The following ADPGK variants were observed in gnomAD, a reference collection of about 807,000 sequenced individuals.
ADPGK encodes ADP dependent glucokinase.
Under a neutral mutation model 42.4 loss-of-function variants are expected in ADPGK, and 26 were observed. The observed-to-expected ratio is 0.61, with a 90% CI of 0.45 to 0.85. The LOEUF is 0.85. Among genes scored for constraint, ADPGK ranks in the 40% least tolerant of loss-of-function variants. The pLI is 0.00. For missense variants in ADPGK, 571 were observed against 627.0 expected, an observed-to-expected ratio of 0.91 and a Z score of 0.95; for synonymous variants, 267 against 252.6, an observed-to-expected ratio of 1.06 and a Z score of -0.54.
At chr15:72,764,622 C>T (rs2066235455) in intron 3 of ADPGK, among the ~76,000 whole-genome samples, 1 of 152,222 alleles carries the variant, frequency 6.6e-6, no homozygotes, top group African/African-American at 2.4e-5. Context: ...TAGCTAAGAT[C>T]ACTGATGAAC....
chr15:72,756,806 G>A (rs922430602), intron 4 of ADPGK: 14 of 270,088 alleles, frequency 5.2e-5, no homozygotes, highest in South Asian at 1.7e-4. Context: ...CAGCACGCAC[G>A]CCCTGCAGAC....
intron 4 of ADPGK, chr15:72,758,232 T>C (rs2066141531): frequency 9.6e-7 from 1 of 1,037,912 alleles, no homozygotes; most frequent in Non-Finnish European, 1.5e-6. Context: ...CAAATGGATC[T>C]AATTCTGCCT....
chr15:72,774,201 A>G (rs1317494919), intron 2 of ADPGK, among the ~76,000 whole-genome samples: 1 of 152,240 alleles, frequency 6.6e-6, no homozygotes, highest in Admixed American at 6.5e-5. Flanking sequence ...GAAAGGTGCC[A>G]ATTAAAAATG....
chr15:72,778,919 A>T (rs768467243), intron 1 of ADPGK, among the ~76,000 whole-genome samples: 2 of 152,190 alleles, frequency 1.3e-5, no homozygotes, highest in African/African-American at 2.4e-5. Context: ...TTTCAGATAG[A>T]TTAAACCTAT....
intron 3 of ADPGK, among the ~76,000 whole-genome samples, chr15:72,766,395 A>G (rs2066259867): frequency 6.6e-6 from 1 of 152,206 alleles, no homozygotes; most frequent in Non-Finnish European, 1.5e-5. Flanking sequence ...TGTTGTTTTA[A>G]GAAATTGCCA....
At chr15:72,754,537 G>T (rs1050089189) in intron 6 of ADPGK, among the ~76,000 whole-genome samples, 1 of 152,134 alleles carries the variant, frequency 6.6e-6, no homozygotes, top group Non-Finnish European at 1.5e-5. Flanking sequence ...TTCTACTTCT[G>T]AGACTTTCTC....
At chr15:72,773,246 G>A (rs1350458370) in intron 2 of ADPGK, among the ~76,000 whole-genome samples, 1 of 152,172 alleles carries the variant, frequency 6.6e-6, no homozygotes, top group Non-Finnish European at 1.5e-5. Context: ...ATTCTAGATG[G>A]TAGACATCAC....
At chr15:72,769,438 C>T (rs1006266230) in intron 3 of ADPGK, among the ~76,000 whole-genome samples, 3 of 152,136 alleles carry the variant, frequency 2.0e-5, no homozygotes, top group Non-Finnish European at 2.9e-5. Context: ...CTCCGCCTCC[C>T]GGGTTCGAGC....
At chr15:72,765,995 T>C (rs2066253484) in intron 3 of ADPGK, among the ~76,000 whole-genome samples, 1 of 152,178 alleles carries the variant, frequency 6.6e-6, no homozygotes, top group South Asian at 2.1e-4. Context: ...TAATTTTTCA[T>C]TTTTAGAGAT....
chr15:72,764,443 T>A (rs1238699832), intron 3 of ADPGK, among the ~76,000 whole-genome samples: 1 of 152,182 alleles, frequency 6.6e-6, no homozygotes, highest in Non-Finnish European at 1.5e-5. Context: ...CCTAACTCGC[T>A]CCAATTCTAT....
At chr15:72,756,811 G>A in intron 4 of ADPGK, 1 of 254,856 alleles carries the variant, frequency 3.9e-6, no homozygotes, top group Non-Finnish European at 7.6e-6. Flanking sequence ...CGCACGCCCT[G>A]CAGACAGTAT....
rs758780168 is a variant in ADPGK, at chr15:72,756,459, C to T, written c.644-12G>A. 6.2e-7 allele frequency: 1 copy of T among 1,613,934 alleles called. No homozygotes were observed. Among genetic ancestry groups the T allele is most frequent in the Non-Finnish European group, 8.5e-7 (1 of 1,179,882 alleles). On this transcript the variant is annotated splice_polypyrimidine_tract_variant and intron_variant, in intron 4 of 6. Transcript: ENST00000456471. Reference sequence around the variant, plus strand: ...GCCCCACTCCTCCCCTGGAAAAACCCAGTCAACACAATGGGAAGAAAAGGA... The same window carrying T: ...GCCCCACTCCTCCCCTGGAAAAACCTAGTCAACACAATGGGAAGAAAAGGA...
At chr15:72,756,470 A>G (rs1404637259) in intron 4 of ADPGK, 23 bp from the exon 5 acceptor site, 6 of 1,613,182 alleles carry the variant, frequency 3.7e-6, no homozygotes, top group Non-Finnish European at 5.1e-6. Flanking sequence ...AGTCAACACA[A>G]TGGGAAGAAA....
rs1005733333 is a variant in ADPGK at position 72,782,136 on chromosome 15, T to G, written c.233+1323A>C. 1.9e-4 allele frequency among the ~76,000 whole-genome samples: 29 copies of G among 152,294 alleles called. 2 individuals are homozygous for G. The highest frequency in any genetic ancestry group is 1.6e-3 in the Admixed American group (24 of 15,296). On this transcript the variant is annotated intron_variant, in intron 1 of 6. Coordinates refer to ENST00000456471, the MANE Select transcript of ADPGK (RefSeq NM_001365225.1). The stretch of plus-strand genomic sequence containing the variant: ...GATACAATAATATGTTTCCAACAAG[T>G]GAGACAGGGGCCTTGCTTCACCCAT...
At chr15:72,766,014 G>A (rs539948267) in intron 3 of ADPGK, among the ~76,000 whole-genome samples, 9 of 152,262 alleles carry the variant, frequency 5.9e-5, no homozygotes, top group African/African-American at 2.2e-4. Context: ...ATAGGAATTT[G>A]CTCTATCACC....
At position 72,758,211 on chromosome 15, in the gene ADPGK, G is replaced by C. The variant is rs564077423; in HGVS notation, c.644-1764C>G. On this transcript the variant is annotated intron_variant, in intron 4 of 6. Transcript: ENST00000456471. Reference sequence around the variant, plus strand: ...ATGGCCCCGTTGGAGAGGCCATGCAGGGGGCAGATGCAAATGGATCTAATT... The same window carrying C: ...ATGGCCCCGTTGGAGAGGCCATGCACGGGGCAGATGCAAATGGATCTAATT... 185 of 1,285,158 alleles carry C rather than the reference G, an allele frequency of 1.4e-4. 1 individual carries two copies. In the African/African-American group the frequency reaches 2.4e-3, roughly 16 times the overall value. 79.6% of individuals were successfully genotyped at this position (1,285,158 alleles called of 1,614,324 possible). A position where few individuals can be genotyped will look rare whatever the true frequency, so the allele number is the denominator to read the frequency against.
chr15:72,783,281 G>C, intron 1 of ADPGK, 178 bp downstream of exon 1: 1 of 1,253,004 alleles, frequency 8.0e-7, no homozygotes, highest in South Asian at 3.3e-5. Context: ...CAGCCGAGTG[G>C]AAAGAGCAGC....
intron 3 of ADPGK, among the ~76,000 whole-genome samples, chr15:72,770,800 A>G (rs996780054): frequency 2.0e-5 from 3 of 152,214 alleles, no homozygotes; most frequent in African/African-American, 7.2e-5. Flanking sequence ...CCAGGTGTAT[A>G]GTGTGGCTCC....
chr15:72,766,742 C>A (rs1030960336), intron 3 of ADPGK, among the ~76,000 whole-genome samples: 2 of 151,742 alleles, frequency 1.3e-5, no homozygotes, highest in East Asian at 3.9e-4. Flanking sequence ...GAAAGTAGAC[C>A]GTGATAAGCT....
Sources: gnomAD v4.1 joint callset for allele counts (sites outside exome capture counted in the v4.1 genomes callset) on GRCh38, gnomAD v4.1.1 for gene constraint, MANE v1.5 for transcripts, NCBI Gene and HGNC (gene_info 2026-07-23, HGNC 2026-07-21) for gene names.